SAXO1: variants seen among roughly 807,000 people sequenced by gnomAD.
The protein encoded by SAXO1 is 4930500O09Rik.
Under a neutral mutation model 17.5 loss-of-function variants are expected in SAXO1, and 21 were observed. The ratio of observed to expected loss-of-function variants is 1.20; its 90% CI spans 0.85 to 1.72. SAXO1 has a LOEUF of 1.72. Ranked by LOEUF, SAXO1 falls within the 40% of genes most tolerant of loss-of-function variation. The probability of loss-of-function intolerance (pLI) is 0.00; values close to 1 mark genes in which losing one functional copy is unlikely to be tolerated. For synonymous variants in SAXO1, 274 were observed against 216.5 expected (o/e 1.27, Z -2.33); for missense variants, 843 against 596.0 (o/e 1.41, Z -4.32).
At chr9:19,021,084 T>C (rs1356142555) in intron 1 of SAXO1, among the ~76,000 whole-genome samples, 1 of 152,228 alleles carries the variant, frequency 6.6e-6, no homozygotes, top group Admixed American at 6.5e-5. Context: ...GCCCAGTTTG[T>C]TCTATGTGAC....
intron 1 of SAXO1, among the ~76,000 whole-genome samples, chr9:19,031,579 G>A (rs908449014): frequency 6.6e-6 from 1 of 152,098 alleles, no homozygotes; most frequent in Non-Finnish European, 1.5e-5. Context: ...AAAAAGAAAG[G>A]CGGCCTTAGA....
rs541624769 is a variant in SAXO1 at position 18,999,671 on chromosome 9, G to A, written c.38+33200C>T. Among the ~76,000 whole-genome samples the A allele has an allele frequency of 3.8e-4, 57 of 150,406 alleles. 2 individuals are homozygous for A. Among genetic ancestry groups the A allele is most frequent in the Admixed American group, 2.0e-3 (30 of 15,126 alleles). The stretch of plus-strand genomic sequence containing the variant: ...GGCCGCCACACCGTCTGGGAAGTGA[G>A]GAGCGCCTCTGCCCGGCCGCCACAC... On this transcript the variant is annotated intron_variant, in intron 1 of 3. Transcript: ENST00000380534.
At chr9:18,972,540 A>G (rs1832979236) in intron 1 of SAXO1, among the ~76,000 whole-genome samples, 1 of 152,164 alleles carries the variant, frequency 6.6e-6, no homozygotes, top group Non-Finnish European at 1.5e-5. Context: ...TTACAATCTT[A>G]TTAGAACAGA....
Position 18,968,015 on chromosome 9 carries a change from C to T in SAXO1, c.39-17078G>A, listed in dbSNP as rs189858131. Among the ~76,000 whole-genome samples, 370 of 152,312 alleles carry T rather than the reference C, an allele frequency of 2.4e-3. 1 individual carries two copies. Among genetic ancestry groups the T allele is most frequent in the African/African-American group, 8.4e-3 (349 of 41,568 alleles). On this transcript the variant is annotated intron_variant, in intron 1 of 3. Coordinates refer to ENST00000380534, the MANE Select transcript of SAXO1 (RefSeq NM_153707.4). ...GCTAAGTGAGGGAGTTCCCCAACCC[C>T]TTACGCTTCCTGGGTGAGGCGACGC...
chr9:18,990,704 C>T (rs968601230), intron 1 of SAXO1, among the ~76,000 whole-genome samples: 2 of 152,206 alleles, frequency 1.3e-5, no homozygotes, highest in African/African-American at 4.8e-5. Context: ...CTCCCCATTG[C>T]TCACATTACC....
chr9:18,982,514 G>A (rs1833433254), intron 1 of SAXO1, among the ~76,000 whole-genome samples: 2 of 152,128 alleles, frequency 1.3e-5, no homozygotes, highest in South Asian at 4.1e-4. Context: ...CTGCCTCCAG[G>A]GTCTTCTGTC....
intron 2 of SAXO1, among the ~76,000 whole-genome samples, chr9:18,943,583 G>A (rs945778297): frequency 2.0e-5 from 3 of 152,244 alleles, no homozygotes; most frequent in Non-Finnish European, 4.4e-5. Flanking sequence ...GTCAGAAAGT[G>A]TACATTCTAA....
chr9:18,977,873 T>C lies in SAXO1; in HGVS notation c.39-26936A>G, dbSNP rs538484623. Reference sequence around the variant, plus strand: ...TACTTGGCATGATGGAGCGTGCCTGTAATGCCAGCTACTCGGGAGGGCTGA... The same window carrying C: ...TACTTGGCATGATGGAGCGTGCCTGCAATGCCAGCTACTCGGGAGGGCTGA... On this transcript the variant is annotated intron_variant, in intron 1 of 3. Transcript: ENST00000380534. Among the ~76,000 whole-genome samples the C allele has an allele frequency of 1.3e-5, 2 of 151,708 alleles. 1 individual carries two copies. The highest frequency in any genetic ancestry group is 4.8e-5 in the African/African-American group (2 of 41,322).
At chr9:18,950,958 G>C in intron 1 of SAXO1, 21 bp from the exon 2 acceptor site, 7 of 1,594,988 alleles carry the variant, frequency 4.4e-6, no homozygotes, top group African/African-American at 1.3e-5. Flanking sequence ...CACAGAGTTA[G>C]GTTGATTACC....
At chr9:19,044,679 G>A (rs879684582) in intron 1 of SAXO1, among the ~76,000 whole-genome samples, 2 of 151,960 alleles carry the variant, frequency 1.3e-5, no homozygotes, top group African/African-American at 2.4e-5. Context: ...TGGCTAACAC[G>A]GTGAAACCCC....
At chr9:18,957,426 T>C (rs957372728) in intron 1 of SAXO1, among the ~76,000 whole-genome samples, 1 of 152,150 alleles carries the variant, frequency 6.6e-6, no homozygotes, top group Non-Finnish European at 1.5e-5. Flanking sequence ...AGCAGCAGCC[T>C]TCACGCCAGG....
intron 1 of SAXO1, among the ~76,000 whole-genome samples, chr9:19,016,005 A>G (rs1195220098): frequency 6.6e-6 from 1 of 152,204 alleles, no homozygotes; most frequent in African/African-American, 2.4e-5. Context: ...TCTCAGGTAC[A>G]CTGAAGGCTG....
chr9:18,938,454 C>T (rs1449140568), intron 3 of SAXO1, among the ~76,000 whole-genome samples: 4 of 151,940 alleles, frequency 2.6e-5, no homozygotes, highest in Admixed American at 6.6e-5. Flanking sequence ...GAGCGCGAGT[C>T]GGGAGGTGGG....
At chr9:19,030,211 A>G (rs1055729155) in intron 1 of SAXO1, among the ~76,000 whole-genome samples, 12 of 152,158 alleles carry the variant, frequency 7.9e-5, no homozygotes, top group Non-Finnish European at 1.6e-4. Context: ...CAGCAGGTCC[A>G]CTCAGGGGAT....
At chr9:18,967,484 G>C (rs1832765909) in intron 1 of SAXO1, among the ~76,000 whole-genome samples, 1 of 152,198 alleles carries the variant, frequency 6.6e-6, no homozygotes, top group African/African-American at 2.4e-5. Flanking sequence ...GGCTACAGTG[G>C]CTTTGCCACA....
At chr9:19,027,068 G>C in intron 1 of SAXO1, 2 of 850,250 alleles carry the variant, frequency 2.4e-6, no homozygotes, top group Admixed American at 1.7e-5. Flanking sequence ...AGATCAAAGA[G>C]AACAGTGAGA....
At chr9:18,967,286 C>T (rs1199950410) in intron 1 of SAXO1, among the ~76,000 whole-genome samples, 1 of 152,246 alleles carries the variant, frequency 6.6e-6, no homozygotes, top group Admixed American at 6.5e-5. Flanking sequence ...CCTGGGAGAT[C>T]TGCTGCTCTC....
chr9:18,941,157 G>A (rs1831537754), intron 3 of SAXO1, among the ~76,000 whole-genome samples: 1 of 152,058 alleles, frequency 6.6e-6, no homozygotes, highest in Non-Finnish European at 1.5e-5. Context: ...AACTAACTTA[G>A]CCTGAACTTG....
chr9:18,936,924 G>GA (rs1426669170), intron 3 of SAXO1, among the ~76,000 whole-genome samples: 1 of 152,020 alleles, frequency 6.6e-6, no homozygotes, highest in African/African-American at 2.4e-5. Context: ...GTGAAAAGGG[G>GA]AAAAAAAGAT....
Sources: gnomAD v4.1 joint callset for allele counts (sites outside exome capture counted in the v4.1 genomes callset) on GRCh38, gnomAD v4.1.1 for gene constraint, MANE v1.5 for transcripts, NCBI Gene and HGNC (gene_info 2026-07-23, HGNC 2026-07-21) for gene names.